ASXL2: variants seen among roughly 807,000 people sequenced by gnomAD.
ASXL2 encodes putative Polycomb group protein ASXL2.
ASXL2 carries 23 observed loss-of-function variants against 122.0 expected under a neutral mutation model. The observed-to-expected ratio is 0.19, with a 90% CI of 0.14 to 0.27. ASXL2 has a LOEUF of 0.27. Among genes scored for constraint, ASXL2 ranks in the 10% least tolerant of loss-of-function variants. The pLI, the probability that ASXL2 is intolerant of heterozygous loss-of-function variation, is 1.00. For missense variants in ASXL2, 1,518 were observed against 1,713.8 expected, an observed-to-expected ratio of 0.89 and a Z score of 2.02; for synonymous variants, 650 against 637.0, an observed-to-expected ratio of 1.02 and a Z score of -0.31.
Position 25,874,182 on chromosome 2 carries a change from A to G in ASXL2, c.57+3984T>C, listed in dbSNP as rs543227717. ...AACTTGGCGAGACCCCGTCTCTATA[A>G]AAAAAAGTTTAAAGATTAGCTGTGG... On this transcript the variant is annotated intron_variant, in intron 1 of 12. Coordinates refer to ENST00000435504, the MANE Select transcript of ASXL2 (RefSeq NM_018263.6). 2.0e-5 allele frequency among the ~76,000 whole-genome samples: 3 copies of G among 152,118 alleles called. No homozygotes were observed. The East Asian group carries it at 5.8e-4, about 29-fold the overall frequency.
At chr2:25,759,116 G>C (rs2088191780) in intron 9 of ASXL2, among the ~76,000 whole-genome samples, 1 of 152,086 alleles carries the variant, frequency 6.6e-6, no homozygotes, top group African/African-American at 2.4e-5. Context: ...CACCACGCCT[G>C]GCTAATTTTT....
intron 4 of ASXL2, among the ~76,000 whole-genome samples, chr2:25,799,919 T>G (rs2088969436): frequency 6.7e-6 from 1 of 148,346 alleles, no homozygotes; most frequent in Admixed American, 6.8e-5. Context: ...CTAAGGCAGT[T>G]AGAATGTTTG....
intron 1 of ASXL2, among the ~76,000 whole-genome samples, chr2:25,849,452 C>CAAAAAA (rs34833277): frequency 2.8e-5 from 2 of 70,644 alleles, no homozygotes; most frequent in African/African-American, 5.5e-5. Context: ...GACTCTGACT[C>CAAAAAA]AAAAAAAAAA....
chr2:25,751,255 A>G (rs1029549754), intron 11 of ASXL2, among the ~76,000 whole-genome samples: 2 of 152,344 alleles, frequency 1.3e-5, no homozygotes, highest in South Asian at 2.1e-4. Flanking sequence ...CTGGGCAATA[A>G]TCAAAAACAG....
At chr2:25,860,708 C>T (rs765613829) in intron 1 of ASXL2, among the ~76,000 whole-genome samples, 1 of 122,274 alleles carries the variant, frequency 8.2e-6, no homozygotes, top group Non-Finnish European at 1.7e-5. Context: ...GAGACTCCAT[C>T]TCAGAGGAAA....
At chr2:25,797,086 C>G (rs2088921647) in intron 5 of ASXL2, among the ~76,000 whole-genome samples, 1 of 152,168 alleles carries the variant, frequency 6.6e-6, no homozygotes, top group Non-Finnish European at 1.5e-5. Context: ...AAATGTGATA[C>G]ACTAGACTTC....
chr2:25,878,279 G>T lies in ASXL2; in HGVS notation c.-57C>A. 2 of 1,576,826 alleles carry T rather than the reference G, an allele frequency of 1.3e-6. No homozygotes were observed. Among genetic ancestry groups the T allele is most frequent in the South Asian group, 2.2e-5 (2 of 90,194 alleles). ...TGTCCGGGCTCCGGCCGCCCTCCCT[G>T]CCTGCTCTGCCCTGCGCTGCTTTTC... On this transcript the variant is annotated 5_prime_UTR_variant, in exon 1 of 13. Transcript: ENST00000435504.
At chr2:25,782,634 T>G (rs1205604747) in intron 5 of ASXL2, among the ~76,000 whole-genome samples, 1 of 152,212 alleles carries the variant, frequency 6.6e-6, no homozygotes, top group African/African-American at 2.4e-5. Context: ...TCATTCTGGC[T>G]AAAGGATAAG....
chr2:25,804,867 T>C (rs1355782887), intron 4 of ASXL2, among the ~76,000 whole-genome samples: 2 of 152,170 alleles, frequency 1.3e-5, no homozygotes, highest in East Asian at 3.9e-4. Flanking sequence ...CTGGCCAATA[T>C]GGTGAAACCC....
chr2:25,740,880 G>A lies in ASXL2; in HGVS notation c.*1149C>T, dbSNP rs1208059958. Reference sequence around the variant, plus strand: ...AGATATAATAAGATGATGTCATCCTGTTCAGATGCCTGGGAGGTCAAAACA... The same window carrying A: ...AGATATAATAAGATGATGTCATCCTATTCAGATGCCTGGGAGGTCAAAACA... On this transcript the variant is annotated 3_prime_UTR_variant, in exon 13 of 13. Transcript: ENST00000435504. The A allele has an allele frequency of 5.2e-6, 1 of 190,520 alleles. No individual in the cohort carries two copies. Among genetic ancestry groups the A allele is most frequent in the Admixed American group, 6.1e-5 (1 of 16,312 alleles). The allele number at this position is 190,520 out of a possible 1,614,324, so 11.8% of individuals were successfully genotyped here.
chr2:25,860,884 T>A (rs988184948), intron 1 of ASXL2, among the ~76,000 whole-genome samples: 1 of 151,742 alleles, frequency 6.6e-6, no homozygotes, highest in African/African-American at 2.4e-5. Context: ...TGGTGGTGCA[T>A]GCTTGTAGTC....
At position 25,739,108 on chromosome 2, in the gene ASXL2, A is replaced by C. The variant is rs2087784145; in HGVS notation, c.*2921T>G. ...GATGCTATCTCCTGGGGTGACCTGC[A>C]GTGGAGGACATCTGAAGGCTAGATA... On this transcript the variant is annotated 3_prime_UTR_variant, in exon 13 of 13. Transcript: ENST00000435504. 1 of 152,284 alleles carries C rather than the reference A, an allele frequency of 6.6e-6. No homozygotes were observed. The highest frequency in any genetic ancestry group is 1.5e-5 in the Non-Finnish European group (1 of 68,070). The allele number at this position is 152,284 out of a possible 1,614,324, so 9.4% of individuals were successfully genotyped here. A position where few individuals can be genotyped will look rare whatever the true frequency, so the allele number is the denominator to read the frequency against.
chr2:25,802,059 A>C (rs1378517027), intron 4 of ASXL2, among the ~76,000 whole-genome samples: 1 of 152,050 alleles, frequency 6.6e-6, no homozygotes, highest in Non-Finnish European at 1.5e-5. Context: ...ACTCCAATTT[A>C]CTCTACTTTC....
intron 2 of ASXL2, among the ~76,000 whole-genome samples, chr2:25,843,013 G>A (rs1408956894): frequency 6.6e-6 from 1 of 151,140 alleles, no homozygotes; most frequent in African/African-American, 2.4e-5. Flanking sequence ...ATAGAGACGG[G>A]GTTTTGGCTG....
chr2:25,837,953 C>CAAAAAAAAA (rs34490545), intron 2 of ASXL2, among the ~76,000 whole-genome samples: 1 of 65,382 alleles, frequency 1.5e-5, no homozygotes, highest in African/African-American at 4.8e-5. Context: ...CCTGTCTCTA[C>CAAAAAAAAA]AAAAAAAAAA....
At position 25,738,694 on chromosome 2, in the gene ASXL2, T is replaced by C. The variant is rs1352076678; in HGVS notation, c.*3335A>G. On this transcript the variant is annotated 3_prime_UTR_variant, in exon 13 of 13. Coordinates refer to ENST00000435504, the MANE Select transcript of ASXL2 (RefSeq NM_018263.6). ...AGAAAGGCAATAATAAACAACAGAA[T>C]GTTAACTGTCAGGTCATTAATATGT... The C allele has an allele frequency of 6.6e-6, 1 of 152,222 alleles. No homozygotes were observed. Among genetic ancestry groups the C allele is most frequent in the African/African-American group, 2.4e-5 (1 of 41,462 alleles). 9.4% of individuals were successfully genotyped at this position (152,222 alleles called of 1,614,324 possible). A position where few individuals can be genotyped will look rare whatever the true frequency, so the allele number is the denominator to read the frequency against.
intron 3 of ASXL2, among the ~76,000 whole-genome samples, chr2:25,821,185 G>GA (rs1037118308): frequency 9.9e-5 from 15 of 151,784 alleles, no homozygotes; most frequent in South Asian, 2.1e-4. Context: ...GTCTCAAAAA[G>GA]AAAAAATCAA....
chr2:25,843,814 T>TAAAA (rs541446675), intron 2 of ASXL2, among the ~76,000 whole-genome samples: 21 of 86,438 alleles, frequency 2.4e-4, no homozygotes, highest in Admixed American at 2.7e-4. Context: ...CTCCATCTCT[T>TAAAA]AAAAAAAAAA....
intron 10 of ASXL2, among the ~76,000 whole-genome samples, chr2:25,754,760 A>G (rs1398487668): frequency 6.6e-6 from 1 of 152,184 alleles, no homozygotes; most frequent in Non-Finnish European, 1.5e-5. Flanking sequence ...GGGGCTGAGG[A>G]AGTAAATCCT....
Sources: gnomAD v4.1 joint callset for allele counts (sites outside exome capture counted in the v4.1 genomes callset) on GRCh38, gnomAD v4.1.1 for gene constraint, MANE v1.5 for transcripts, NCBI Gene and HGNC (gene_info 2026-07-23, HGNC 2026-07-21) for gene names.